Variants in BCL9 observed in about 807,000 individuals in gnomAD.
The protein encoded by BCL9 is BCL9 transcription coactivator.
Under a neutral mutation model 88.5 loss-of-function variants are expected in BCL9, and 25 were observed. The ratio of observed to expected loss-of-function variants is 0.28; its 90% CI spans 0.21 to 0.39. BCL9 has a LOEUF of 0.39. Among genes scored for constraint, BCL9 ranks in the 10% least tolerant of loss-of-function variants. The pLI, the probability that BCL9 is intolerant of heterozygous loss-of-function variation, is 1.00. For missense variants in BCL9, 1,817 were observed against 1,877.8 expected, an observed-to-expected ratio of 0.97 and a Z score of 0.60; for synonymous variants, 711 against 673.3, an observed-to-expected ratio of 1.06 and a Z score of -0.87.
Position 147,546,551 on chromosome 1 carries a change from A to G in BCL9, c.-478+4877A>G, listed in dbSNP as rs1045328633. 2.6e-5 allele frequency among the ~76,000 whole-genome samples: 4 copies of G among 152,190 alleles called. No individual in the cohort carries two copies. In the South Asian group the frequency reaches 6.2e-4, roughly 24 times the overall value. ...ATTCTACTTCTCTAGACCTCTCAGAATGAGGGAATTGGACTAAATCATCTT... is the reference window on the plus strand; with the variant it reads ...ATTCTACTTCTCTAGACCTCTCAGAGTGAGGGAATTGGACTAAATCATCTT... On this transcript the variant is annotated intron_variant, in intron 1 of 9. Transcript: ENST00000234739.
chr1:147,548,505 A>G (rs1654723892), intron 1 of BCL9, among the ~76,000 whole-genome samples: 11 of 152,094 alleles, frequency 7.2e-5, no homozygotes, highest in Admixed American at 7.2e-4. Context: ...TTCCTGCTCT[A>G]CCACCTCCTA....
chr1:147,613,177 A>G lies in BCL9; in HGVS notation c.348A>G (p.Pro116=), dbSNP rs1158827719. 1.1e-5 allele frequency: 17 copies of G among 1,614,258 alleles called. No homozygotes were observed. The highest frequency in any genetic ancestry group is 1.4e-5 in the Non-Finnish European group (17 of 1,180,038). Residue 116 remains proline (P), a synonymous_variant, in exon 5 of 10, where the codon CCA becomes CCG. Transcript: ENST00000234739. ...DSFDQRDPGT[P]NDDSDIKECN... is the part of the protein sequence containing the mutation. ...TTGATCAGAGAGATCCTGGGACTCC[A>G]AACGATGACTCTGACATTAAAGGTA...
At chr1:147,588,086 A>C (rs1221855148) in intron 1 of BCL9, among the ~76,000 whole-genome samples, 1 of 152,170 alleles carries the variant, frequency 6.6e-6, no homozygotes, top group Non-Finnish European at 1.5e-5. Context: ...TGATGACTAT[A>C]AGCGGTATTT....
chr1:147,570,653 T>TTTTAG (rs1481643504), intron 1 of BCL9, among the ~76,000 whole-genome samples: 7 of 51,254 alleles, frequency 1.4e-4, no homozygotes, highest in East Asian at 4.2e-4. Flanking sequence ...TTTTTTTTTG[T>TTTTAG]AGATGGAGTT....
At chr1:147,596,866 G>A (rs1657079804) in intron 1 of BCL9, among the ~76,000 whole-genome samples, 1 of 152,084 alleles carries the variant, frequency 6.6e-6, no homozygotes, top group South Asian at 2.1e-4. Context: ...AATATTAATA[G>A]TACAAGCAGC....
At chr1:147,566,744 G>C (rs901123139) in intron 1 of BCL9, among the ~76,000 whole-genome samples, 3 of 138,548 alleles carry the variant, frequency 2.2e-5, no homozygotes, top group Non-Finnish European at 4.6e-5. Flanking sequence ...GTGACAGAGC[G>C]AGACGCTGTC....
chr1:147,546,132 C>G (rs1654576719), intron 1 of BCL9, among the ~76,000 whole-genome samples: 1 of 151,988 alleles, frequency 6.6e-6, no homozygotes, highest in Non-Finnish European at 1.5e-5. Flanking sequence ...GTCAGGAGAT[C>G]GAGACCATCC....
intron 1 of BCL9, among the ~76,000 whole-genome samples, chr1:147,579,824 C>T (rs781993833): frequency 5.3e-5 from 8 of 152,154 alleles, no homozygotes; most frequent in South Asian, 2.1e-4. Context: ...AATATTAACT[C>T]GAACCACAGC....
chr1:147,612,362 T>A (rs1230224067), intron 4 of BCL9, among the ~76,000 whole-genome samples: 1 of 152,216 alleles, frequency 6.6e-6, no homozygotes, highest in Non-Finnish European at 1.5e-5. Flanking sequence ...TTGGTTTATC[T>A]GCTTTGGTGT....
chr1:147,549,491 A>G (rs1176884476), intron 1 of BCL9, among the ~76,000 whole-genome samples: 1 of 152,226 alleles, frequency 6.6e-6, no homozygotes, highest in East Asian at 1.9e-4. Context: ...AGAAACAGGA[A>G]AAATCAGAGA....
rs1420341320 is a variant in BCL9 at position 147,625,556 on chromosome 1, C to CA, written c.*604dup. 9.5e-5 allele frequency: 17 copies of CA among 179,024 alleles called. No homozygotes were observed. The highest frequency in any genetic ancestry group is 3.1e-4 in the Admixed American group (3 of 9,698). 11.1% of individuals were successfully genotyped at this position (179,024 alleles called of 1,614,324 possible). A position where few individuals can be genotyped will look rare whatever the true frequency, so the allele number is the denominator to read the frequency against. On this transcript the variant is annotated 3_prime_UTR_variant, in exon 10 of 10. Transcript: ENST00000234739. ...CAGAGCAGAGTATTAATGAAAAGCA[C>CA]AAAAAAAGGAACTAAGTTCAGCGAG... is the stretch of plus-strand genomic sequence containing the variant.
chr1:147,573,478 G>C (rs1422235288), intron 1 of BCL9, among the ~76,000 whole-genome samples: 1 of 152,038 alleles, frequency 6.6e-6, no homozygotes, highest in African/African-American at 2.4e-5. Flanking sequence ...AGGTTGAAAG[G>C]CTCACCCTTG....
intron 1 of BCL9, among the ~76,000 whole-genome samples, chr1:147,574,025 A>T (rs1355872577): frequency 6.6e-6 from 1 of 152,178 alleles, no homozygotes; most frequent in Non-Finnish European, 1.5e-5. Flanking sequence ...ACTATCCTGC[A>T]TTATATATAT....
intron 7 of BCL9, among the ~76,000 whole-genome samples, chr1:147,616,788 A>G (rs1658306834): frequency 6.6e-6 from 1 of 150,756 alleles, no homozygotes. Context: ...AAAAAAGCAT[A>G]CAGTGGATGT....
chr1:147,625,158 GT>G lies in BCL9; in HGVS notation c.*207del, dbSNP rs1179536589. On this transcript the variant is annotated 3_prime_UTR_variant, in exon 10 of 10. Coordinates refer to ENST00000234739, the MANE Select transcript of BCL9 (RefSeq NM_004326.4). ...AATTATTCATTTAATCAACAGGTGT[GT>G]TTTTTTTAAGATTTATTTTTTAAAA... 9.9e-6 allele frequency: 6 copies of G among 606,624 alleles called. No homozygotes were observed. Among genetic ancestry groups the G allele is most frequent in the Non-Finnish European group, 1.6e-5 (6 of 381,642 alleles). 37.6% of individuals were successfully genotyped at this position (606,624 alleles called of 1,614,324 possible). A position where few individuals can be genotyped will look rare whatever the true frequency, so the allele number is the denominator to read the frequency against.
Position 147,622,317 on chromosome 1 carries a change from C to T in BCL9, c.2949C>T (p.Ile983=), listed in dbSNP as rs369654817. 4 of 1,614,190 alleles carry T rather than the reference C, an allele frequency of 2.5e-6. No homozygotes were observed. The highest frequency in any genetic ancestry group is 3.4e-6 in the Non-Finnish European group (4 of 1,180,032). The part of the protein sequence containing the change: ...PTASQPASVN[I]PGSLPSSTPY... ...CCAGCCAGCCTGCCTCTGTGAATAT[C>T]CCTGGAAGTCTTCCCTCTAGTACAC... The change falls in exon 9 of 10, where the codon ATC becomes ATT. Residue 983 remains isoleucine, a synonymous_variant. Coordinates refer to ENST00000234739, the MANE Select transcript of BCL9 (RefSeq NM_004326.4).
chr1:147,552,493 C>T (rs1040862880), intron 1 of BCL9, among the ~76,000 whole-genome samples: 2 of 152,148 alleles, frequency 1.3e-5, no homozygotes, highest in Non-Finnish European at 2.9e-5. Flanking sequence ...GTAATCCCAG[C>T]TACTCGGGAG....
At chr1:147,617,065 A>G (rs969994987) in intron 7 of BCL9, among the ~76,000 whole-genome samples, 1 of 152,234 alleles carries the variant, frequency 6.6e-6, no homozygotes, top group Admixed American at 6.5e-5. Context: ...TGTAGACATA[A>G]GCAGAGCTTA....
intron 1 of BCL9, among the ~76,000 whole-genome samples, chr1:147,578,727 A>G (rs1203972298): frequency 1.3e-5 from 2 of 152,178 alleles, no homozygotes; most frequent in Non-Finnish European, 2.9e-5. Flanking sequence ...CTTAATTTGC[A>G]TTTCATAACA....
Sources: gnomAD v4.1 joint callset for allele counts (sites outside exome capture counted in the v4.1 genomes callset) on GRCh38, gnomAD v4.1.1 for gene constraint, MANE v1.5 for transcripts, NCBI Gene and HGNC (gene_info 2026-07-23, HGNC 2026-07-21) for gene names.